RP1: variants seen among roughly 807,000 people sequenced by gnomAD.
The protein encoded by RP1 is oxygen-regulated protein 1.
A neutral mutation model predicts 14.8 loss-of-function variants in RP1; 16 were observed. The ratio of observed to expected loss-of-function variants is 1.08; its 90% CI spans 0.73 to 1.65. The LOEUF (loss-of-function observed/expected upper bound fraction) is 1.65. Among genes scored for constraint, RP1 ranks in the 40% most tolerant of loss-of-function variants. The pLI is 0.00. For synonymous variants in RP1, 876 were observed against 883.6 expected (o/e 0.99, Z 0.15); for missense variants, 2,631 against 2,535.0 (o/e 1.04, Z -0.81).
chr8:54,822,345 A>G (rs538635457), intron 24 of RP1, among the ~76,000 whole-genome samples: 3 of 143,116 alleles, frequency 2.1e-5, no homozygotes, highest in African/African-American at 5.0e-5. Flanking sequence ...CTTTCAGTGT[A>G]TCTACTATGA....
chr8:54,847,755 T>A (rs893055832), intron 25 of RP1, among the ~76,000 whole-genome samples: 1 of 152,226 alleles, frequency 6.6e-6, no homozygotes, highest in Non-Finnish European at 1.5e-5. Flanking sequence ...TCTTCACACT[T>A]TCCTGCTACC....
chr8:54,595,062 G>C (rs954875342), intron 1 of RP1, among the ~76,000 whole-genome samples: 2 of 151,088 alleles, frequency 1.3e-5, no homozygotes, highest in Admixed American at 6.6e-5. Context: ...ATATTAAAAT[G>C]AATAATTCCT....
At chr8:54,565,599 A>G (rs2129291125) in intron 1 of RP1, among the ~76,000 whole-genome samples, 1 of 152,208 alleles carries the variant, frequency 6.6e-6, no homozygotes, top group South Asian at 2.1e-4. Flanking sequence ...TCACCCTGCC[A>G]TAGAGGGGCA....
At chr8:54,688,399 C>G (rs1373947109) in intron 12 of RP1, among the ~76,000 whole-genome samples, 1 of 152,170 alleles carries the variant, frequency 6.6e-6, no homozygotes, top group Non-Finnish European at 1.5e-5. Flanking sequence ...TGCCTATGTC[C>G]TGAATAGTAT....
intron 9 of RP1, chr8:54,678,625 TC>T: frequency 9.6e-7 from 1 of 1,040,578 alleles, no homozygotes; most frequent in Non-Finnish European, 1.4e-6. Flanking sequence ...ATTTAGTTGT[TC>T]CTAGTCACTG....
intron 24 of RP1, chr8:54,783,725 G>A: frequency 8.2e-7 from 1 of 1,224,392 alleles, no homozygotes; most frequent in Non-Finnish European, 1.0e-6. Context: ...AAATGATACA[G>A]CTATAACTTG....
intron 4 of RP1, chr8:54,652,688 C>A: frequency 2.6e-6 from 2 of 777,330 alleles, no homozygotes; most frequent in South Asian, 1.5e-5. Context: ...AATGAATTGA[C>A]CCCTTTATCA....
chr8:54,787,832 T>C (rs1224574506), intron 24 of RP1, among the ~76,000 whole-genome samples: 3 of 152,208 alleles, frequency 2.0e-5, no homozygotes, highest in African/African-American at 7.2e-5. Flanking sequence ...AAAAACAATT[T>C]ATATCACCAG....
chr8:54,702,971 A>C (rs1282817106), intron 14 of RP1, among the ~76,000 whole-genome samples: 1 of 152,202 alleles, frequency 6.6e-6, no homozygotes, highest in Non-Finnish European at 1.5e-5. Flanking sequence ...TTCAAGCTCC[A>C]CTTCTCATTC....
chr8:54,704,860 A>G (rs1808112343), intron 14 of RP1, among the ~76,000 whole-genome samples: 1 of 143,542 alleles, frequency 7.0e-6, no homozygotes, highest in Admixed American at 6.9e-5. Context: ...ACACACACAT[A>G]TGTCTTTTTT....
At chr8:54,756,701 C>T (rs1016519977) in intron 21 of RP1, among the ~76,000 whole-genome samples, 1 of 152,138 alleles carries the variant, frequency 6.6e-6, no homozygotes, top group East Asian at 1.9e-4. Flanking sequence ...CCTACAGAAC[C>T]GTGCTGGCTT....
chr8:54,785,416 C>T (rs1052795266), intron 24 of RP1, among the ~76,000 whole-genome samples: 1 of 149,456 alleles, frequency 6.7e-6, no homozygotes, highest in Non-Finnish European at 1.5e-5. Flanking sequence ...ATCCATTTAC[C>T]AGTTGATACA....
intron 1 of RP1, among the ~76,000 whole-genome samples, chr8:54,589,204 T>A (rs1395815629): frequency 6.6e-6 from 1 of 152,204 alleles, no homozygotes; most frequent in East Asian, 1.9e-4. Context: ...GTCCACTGCT[T>A]TATTTTCAGG....
chr8:54,737,578 G>T (rs1210528593), intron 18 of RP1, among the ~76,000 whole-genome samples: 1 of 152,096 alleles, frequency 6.6e-6, no homozygotes, highest in Admixed American at 6.6e-5. Context: ...ACTGAAACCA[G>T]CTCTGGGAAT....
chr8:54,651,526 T>C (rs1224433642), intron 4 of RP1, among the ~76,000 whole-genome samples: 1 of 152,170 alleles, frequency 6.6e-6, no homozygotes, highest in Non-Finnish European at 1.5e-5. Context: ...GTCCATTTCA[T>C]GTAGGTTATC....
At position 54,620,953 on chromosome 8, in the gene RP1, A is replaced by C; in HGVS notation, c.-12-2A>C. On this transcript the variant is annotated splice_acceptor_variant, in intron 1 of 3. Coordinates refer to ENST00000220676, the MANE Select transcript of RP1 (RefSeq NM_006269.2). LOFTEE classifies it low-confidence loss of function (5UTR_SPLICE). ...CTGGAGATAATTTTCTTTCTTCTCT[A>C]GGTCTCAGCCAAAATGAGTGATACC... 1.2e-6 allele frequency: 2 copies of C among 1,613,962 alleles called. No homozygotes were observed. The highest frequency in any genetic ancestry group is 1.7e-6 in the Non-Finnish European group (2 of 1,179,832).
In RP1 at chr8:54,628,448, T is replaced by C. The variant is rs556240003; in HGVS notation, c.4566T>C (p.Gly1522=). The change falls in exon 4 of 4, where the codon GGT becomes GGC. Residue 1522 remains glycine (G), a synonymous_variant. Transcript: ENST00000220676. Reference sequence around the variant, plus strand: ...TTATGGAAGAAAAAAGAATGAACGGTATAATTTATGAAATAATCAGTAAGA... The same window carrying C: ...TTATGGAAGAAAAAAGAATGAACGGCATAATTTATGAAATAATCAGTAAGA... ...KNIMEEKRMN[G]IIYEIISKRL... 6.2e-7 allele frequency: 1 copy of C among 1,613,372 alleles called. No homozygotes were observed. Among genetic ancestry groups the C allele is most frequent in the South Asian group, 1.1e-5 (1 of 90,984 alleles).
Position 54,641,449 on chromosome 8 carries a change from A to G in RP1, c.788-7536A>G, listed in dbSNP as rs183110205. On this transcript the variant is annotated intron_variant, in intron 3 of 22. Coordinates refer to the RP1 transcript ENST00000636932. ...AATAAATTTGTCCTCTGAAATTTCC[A>G]AGGTTGATAACAGTTTTTACATGTA... Among the ~76,000 whole-genome samples, 478 of 152,344 alleles carry G rather than the reference A, an allele frequency of 3.1e-3. 1 individual carries two copies. Among genetic ancestry groups the G allele is most frequent in the Non-Finnish European group, 5.2e-3 (354 of 68,034 alleles).
At chr8:54,759,933 A>G (rs1416441396) in intron 22 of RP1, among the ~76,000 whole-genome samples, 1 of 152,140 alleles carries the variant, frequency 6.6e-6, no homozygotes, top group Non-Finnish European at 1.5e-5. Flanking sequence ...CTTTTTCCAA[A>G]TAGGTAATCA....
Sources: allele counts gnomAD v4.1 joint callset (sites outside exome capture counted in the v4.1 genomes callset), GRCh38; gene constraint gnomAD v4.1.1; transcripts MANE v1.5; gene names NCBI Gene and HGNC (gene_info 2026-07-23, HGNC 2026-07-21).